Variants in ADAMTSL1 observed in about 807,000 individuals in gnomAD.
ADAMTSL1 encodes ADAMTS-like protein 1.
In ADAMTSL1, 126 loss-of-function variants were observed where a neutral mutation model predicts 201.8. The observed-to-expected ratio is 0.62, with a 90% CI of 0.54 to 0.72. The LOEUF (loss-of-function observed/expected upper bound fraction) is 0.72, where lower values mean the gene tolerates loss of function less well. Among genes scored for constraint, ADAMTSL1 ranks in the 30% least tolerant of loss-of-function variants. The pLI, the probability that ADAMTSL1 is intolerant of heterozygous loss-of-function variation, is 0.00. For missense variants in ADAMTSL1, 2,679 were observed against 2,277.8 expected (o/e 1.18, Z -3.59); for synonymous variants, 1,121 against 903.4 (o/e 1.24, Z -4.32).
chr9:18,734,902 G>C (rs1402497389), intron 15 of ADAMTSL1, among the ~76,000 whole-genome samples: 2 of 152,146 alleles, frequency 1.3e-5, no homozygotes, highest in Admixed American at 1.3e-4. Context: ...AAAATTGCTT[G>C]ATTCCACTGT....
chr9:17,935,806 C>G (rs969278826), intron 1 of ADAMTSL1, among the ~76,000 whole-genome samples: 5 of 152,180 alleles, frequency 3.3e-5, no homozygotes, highest in Admixed American at 2.0e-4. Context: ...CTGGTCTCAA[C>G]TTCTGCTTTT....
At chr9:18,296,831 G>C (rs1833496299) in intron 2 of ADAMTSL1, among the ~76,000 whole-genome samples, 1 of 152,118 alleles carries the variant, frequency 6.6e-6, no homozygotes, top group Admixed American at 6.5e-5. Flanking sequence ...TTACGCTGGA[G>C]GTCAATGTAA....
At chr9:18,269,061 C>T (rs892540645) in intron 2 of ADAMTSL1, among the ~76,000 whole-genome samples, 1 of 152,028 alleles carries the variant, frequency 6.6e-6, no homozygotes, top group Non-Finnish European at 1.5e-5. Context: ...TATATTATCA[C>T]ATAGTATAAA....
chr9:18,141,562 G>T (rs777419676), intron 1 of ADAMTSL1, among the ~76,000 whole-genome samples: 2 of 152,186 alleles, frequency 1.3e-5, no homozygotes, highest in Non-Finnish European at 2.9e-5. Context: ...GAGGTGTCTA[G>T]CACCCTACCT....
chr9:18,370,172 TGG>T (rs1158198720), intron 2 of ADAMTSL1, among the ~76,000 whole-genome samples: 1 of 151,528 alleles, frequency 6.6e-6, no homozygotes, highest in African/African-American at 2.4e-5. Flanking sequence ...CCCAGCTACT[TGG>T]GAGGCTGAGG....
At chr9:18,010,936 AT>A (rs1367446496) in intron 1 of ADAMTSL1, among the ~76,000 whole-genome samples, 1 of 151,972 alleles carries the variant, frequency 6.6e-6, no homozygotes, top group Non-Finnish European at 1.5e-5. Flanking sequence ...TTATAGAATT[AT>A]TTTTTATTTG....
rs541659021 is a variant in ADAMTSL1 at position 18,115,343 on chromosome 9, G to C, written c.88-48519G>C. ...GCATGCTGCAGGCAATTTCTGGAAGGCAGGCAGGAAGGCAGGCAGGGGGAC... is the reference window on the plus strand; with the variant it reads ...GCATGCTGCAGGCAATTTCTGGAAGCCAGGCAGGAAGGCAGGCAGGGGGAC... On this transcript the variant is annotated intron_variant, in intron 1 of 29. Transcript: ENST00000680146. Among the ~76,000 whole-genome samples the C allele has an allele frequency of 7.9e-5, 12 of 152,238 alleles. 1 individual carries two copies. The South Asian group carries it at 2.5e-3, about 32-fold the overall frequency.
chr9:17,962,887 T>G (rs1588484820), intron 1 of ADAMTSL1, among the ~76,000 whole-genome samples: 1 of 152,336 alleles, frequency 6.6e-6, no homozygotes, highest in East Asian at 1.9e-4. Context: ...TGTTGCCAAG[T>G]TTCCTGGTGA....
chr9:18,514,019 C>G (rs1329142358), intron 2 of ADAMTSL1, among the ~76,000 whole-genome samples: 2 of 152,062 alleles, frequency 1.3e-5, no homozygotes, highest in Admixed American at 6.6e-5. Flanking sequence ...TTTTCCATTT[C>G]TATAATAATC....
intron 5 of ADAMTSL1, among the ~76,000 whole-genome samples, chr9:18,628,067 T>C (rs1826508559): frequency 6.6e-6 from 1 of 152,240 alleles, no homozygotes; most frequent in Non-Finnish European, 1.5e-5. Context: ...TTGCTTAATG[T>C]TATCTTTCAC....
intron 2 of ADAMTSL1, among the ~76,000 whole-genome samples, chr9:18,528,299 A>G (rs1819222016): frequency 6.6e-6 from 1 of 152,106 alleles, no homozygotes; most frequent in Admixed American, 6.6e-5. Context: ...CCCATCACCT[A>G]GGTATTGAGC....
intron 2 of ADAMTSL1, among the ~76,000 whole-genome samples, chr9:18,358,192 A>G (rs894243216): frequency 6.6e-6 from 1 of 152,320 alleles, no homozygotes; most frequent in Non-Finnish European, 1.5e-5. Flanking sequence ...TATTAGGTAC[A>G]TAACAGTGCC....
intron 23 of ADAMTSL1, among the ~76,000 whole-genome samples, chr9:18,853,574 T>C (rs1296171249): frequency 6.6e-6 from 1 of 152,198 alleles, no homozygotes; most frequent in Non-Finnish European, 1.5e-5. Flanking sequence ...CCTCTCATCC[T>C]CCTAACCTTG....
chr9:18,746,097 C>T (rs1169523200), intron 15 of ADAMTSL1, among the ~76,000 whole-genome samples: 1 of 152,228 alleles, frequency 6.6e-6, no homozygotes, highest in East Asian at 1.9e-4. Context: ...TAGCTCCCCA[C>T]CTCCACTGAA....
In ADAMTSL1 at chr9:18,777,702, G is replaced by GA; in HGVS notation, c.3475dup (p.Arg1159LysfsTer45). ...ACCGGGGACGCCGGGGGAGGCTCTC[G>GA]AAGGCCACACCGCAAGCCCACCATC... On this transcript the variant is annotated frameshift_variant, in exon 19 of 29. Coordinates refer to ENST00000380548, the MANE Select transcript of ADAMTSL1 (RefSeq NM_001040272.6). LOFTEE classifies it high-confidence loss of function. 6.2e-7 allele frequency: 1 copy of GA among 1,613,308 alleles called. No individual in the cohort carries two copies. Among genetic ancestry groups the GA allele is most frequent in the Non-Finnish European group, 8.5e-7 (1 of 1,179,682 alleles).
At chr9:18,735,025 T>G (rs1212972140) in intron 15 of ADAMTSL1, among the ~76,000 whole-genome samples, 3 of 152,204 alleles carry the variant, frequency 2.0e-5, no homozygotes, top group Non-Finnish European at 2.9e-5. Flanking sequence ...CAAATTAACT[T>G]TTATTAAACC....
At chr9:17,922,649 T>C (rs1826349644) in intron 1 of ADAMTSL1, among the ~76,000 whole-genome samples, 1 of 152,148 alleles carries the variant, frequency 6.6e-6, no homozygotes, top group Non-Finnish European at 1.5e-5. Flanking sequence ...GGTAAGGTCT[T>C]AGAAAGTTGA....
intron 3 of ADAMTSL1, among the ~76,000 whole-genome samples, chr9:18,539,000 G>A (rs1819967049): frequency 6.6e-6 from 1 of 152,088 alleles, no homozygotes; most frequent in Non-Finnish European, 1.5e-5. Flanking sequence ...GCAAGAGTTG[G>A]TCAGTGAGCC....
intron 2 of ADAMTSL1, among the ~76,000 whole-genome samples, chr9:18,187,182 G>T (rs935100923): frequency 2.6e-5 from 4 of 152,104 alleles, no homozygotes; most frequent in Admixed American, 2.6e-4. Context: ...TGTTGATGCA[G>T]AGTTCTAGGC....
Sources: allele counts gnomAD v4.1 joint callset (sites outside exome capture counted in the v4.1 genomes callset), GRCh38; gene constraint gnomAD v4.1.1; transcripts MANE v1.5; gene names NCBI Gene and HGNC (gene_info 2026-07-23, HGNC 2026-07-21).